TBL1X: variants seen among roughly 807,000 people sequenced by gnomAD.
TBL1X encodes the protein F-box-like/WD repeat-containing protein TBL1X.
In TBL1X, 10 loss-of-function variants were observed where a neutral mutation model predicts 50.7. The observed-to-expected ratio is 0.20, with a 90% CI of 0.12 to 0.33. The LOEUF (loss-of-function observed/expected upper bound fraction) is 0.33. Among genes scored for constraint, TBL1X ranks in the 10% least tolerant of loss-of-function variants. TBL1X has a pLI of 1.00. For synonymous variants in TBL1X, 190 were observed against 214.7 expected (o/e 0.88, Z 1.01); for missense variants, 340 against 504.4 (o/e 0.67, Z 3.12).
At chrX:9,568,652 G>T (rs1348828946) in intron 2 of TBL1X, among the ~76,000 whole-genome samples, 2 of 105,435 alleles carry the variant, frequency 1.9e-5, no homozygotes, top group Admixed American at 2.0e-4. Context: ...GGTGCTATGT[G>T]TATGTCGTGT....
intron 16 of TBL1X, among the ~76,000 whole-genome samples, chrX:9,714,257 C>T (rs939816615): frequency 4.4e-5 from 5 of 112,380 alleles, no homozygotes; most frequent in African/African-American, 1.6e-4. Flanking sequence ...TCCAAAAATA[C>T]GTACATTTTA....
intron 2 of TBL1X, among the ~76,000 whole-genome samples, chrX:9,617,212 A>G (rs999060690): frequency 9.0e-6 from 1 of 111,392 alleles, no homozygotes; most frequent in African/African-American, 3.3e-5. Flanking sequence ...CATTTCAAAG[A>G]GATGCCTTAT....
intron 1 of TBL1X, among the ~76,000 whole-genome samples, chrX:9,501,180 TCAGA>T (rs1312078224): frequency 2.0e-4 from 22 of 112,049 alleles, no homozygotes; most frequent in Admixed American, 1.2e-3. Context: ...GACTTTGCAG[TCAGA>T]CTGACGTGGG....
At chrX:9,534,038 A>C (rs988206191) in intron 2 of TBL1X, among the ~76,000 whole-genome samples, 1 of 111,446 alleles carries the variant, frequency 9.0e-6, no homozygotes, top group African/African-American at 3.3e-5. Flanking sequence ...CAAGGGAGGG[A>C]GGCAGGCGAG....
chrX:9,543,393 C>T (rs1435507656), intron 2 of TBL1X, among the ~76,000 whole-genome samples: 2 of 111,527 alleles, frequency 1.8e-5, no homozygotes, highest in Admixed American at 9.5e-5. Flanking sequence ...GCAGGAAGGC[C>T]GGGTGACTTT....
intron 5 of TBL1X, among the ~76,000 whole-genome samples, chrX:9,682,524 G>A (rs971697515): frequency 8.9e-6 from 1 of 112,149 alleles, no homozygotes; most frequent in Non-Finnish European, 1.9e-5. Flanking sequence ...TGAGGAGGAG[G>A]GAGAGTAGAC....
At chrX:9,556,496 T>TA (rs748643059) in intron 2 of TBL1X, among the ~76,000 whole-genome samples, 46 of 92,072 alleles carry the variant, frequency 5.0e-4, no homozygotes, top group East Asian at 7.1e-4. Context: ...TGTCTCTCTC[T>TA]AAAAAAAAAA....
chrX:9,689,011 TATGTGTGC>T (rs773056814), intron 7 of TBL1X, among the ~76,000 whole-genome samples: 17 of 110,778 alleles, frequency 1.5e-4, no homozygotes, highest in African/African-American at 2.0e-4. Context: ...CGTGTGCGTG[TATGTGTGC>T]GTGTGTGCGT....
At chrX:9,584,358 G>GA (rs1292241224) in intron 2 of TBL1X, among the ~76,000 whole-genome samples, 1 of 112,064 alleles carries the variant, frequency 8.9e-6, no homozygotes, top group African/African-American at 3.2e-5. Context: ...CAAACAATAG[G>GA]AAAAAAAGCA....
chrX:9,699,768 A>T (rs1362644524), intron 12 of TBL1X, among the ~76,000 whole-genome samples: 1 of 111,762 alleles, frequency 8.9e-6, no homozygotes, highest in African/African-American at 3.3e-5. Flanking sequence ...GGCAGCTCAG[A>T]GAGTGAGGGA....
intron 5 of TBL1X, among the ~76,000 whole-genome samples, chrX:9,680,119 C>T (rs914147149): frequency 1.9e-4 from 21 of 111,145 alleles, no homozygotes; most frequent in African/African-American, 6.9e-4. Flanking sequence ...TTTATAGGGA[C>T]ACTGATCCCA....
chrX:9,546,518 AAAAC>A (rs925097939), intron 2 of TBL1X, among the ~76,000 whole-genome samples: 16 of 111,082 alleles, frequency 1.4e-4, no homozygotes, highest in African/African-American at 4.3e-4. Flanking sequence ...CGTCTCAGAA[AAAAC>A]AAACAAACAA....
intron 2 of TBL1X, among the ~76,000 whole-genome samples, chrX:9,634,364 C>T (rs2076914551): frequency 9.0e-6 from 1 of 111,208 alleles, no homozygotes; most frequent in African/African-American, 3.3e-5. Context: ...ACATGGAAAC[C>T]ACCACTGCCG....
chrX:9,707,942 A>C (rs1299630255), intron 13 of TBL1X, among the ~76,000 whole-genome samples: 1 of 112,604 alleles, frequency 8.9e-6, no homozygotes, highest in Non-Finnish European at 1.9e-5. Context: ...ATGTTCTTAG[A>C]AAGCAACCTG....
intron 2 of TBL1X, among the ~76,000 whole-genome samples, chrX:9,592,733 T>C (rs1317855687): frequency 8.9e-6 from 1 of 112,237 alleles, no homozygotes; most frequent in East Asian, 2.8e-4. Flanking sequence ...TTTATCCTTC[T>C]GCGTCTGGCT....
chrX:9,544,202 A>T (rs1231191284), intron 2 of TBL1X, among the ~76,000 whole-genome samples: 1 of 112,416 alleles, frequency 8.9e-6, no homozygotes, highest in Non-Finnish European at 1.9e-5. Flanking sequence ...AGATCAGGAG[A>T]AGTACAGGCA....
intron 5 of TBL1X, among the ~76,000 whole-genome samples, chrX:9,672,464 G>A (rs1170874166): frequency 8.9e-6 from 1 of 111,958 alleles, no homozygotes; most frequent in East Asian, 2.8e-4. Flanking sequence ...CTTCCCCGAA[G>A]TCTCTGTACA....
At chrX:9,632,650 A>G (rs1242563492) in intron 2 of TBL1X, among the ~76,000 whole-genome samples, 1 of 112,001 alleles carries the variant, frequency 8.9e-6, no homozygotes, top group Admixed American at 9.5e-5. Flanking sequence ...CACTAAAACC[A>G]GTTAGAGAAA....
intron 2 of TBL1X, among the ~76,000 whole-genome samples, chrX:9,576,253 A>G (rs1159723992): frequency 1.8e-5 from 2 of 112,251 alleles, no homozygotes; most frequent in South Asian, 3.7e-4. Flanking sequence ...CGCGCTGCAC[A>G]GTGTAGGCAT....
Sources: allele counts gnomAD v4.1 joint callset (sites outside exome capture counted in the v4.1 genomes callset), GRCh38; gene constraint gnomAD v4.1.1; transcripts MANE v1.5; gene names NCBI Gene and HGNC (gene_info 2026-07-23, HGNC 2026-07-21).